The following LRRC4C variants were observed in gnomAD, a reference collection of about 807,000 sequenced individuals.
LRRC4C encodes the protein leucine-rich repeat-containing protein 4C.
In LRRC4C, 5 loss-of-function variants were observed where a neutral mutation model predicts 33.6. That is an observed-to-expected ratio of 0.15 (90% confidence interval 0.08 to 0.31). LRRC4C has a LOEUF of 0.31. LRRC4C is among the 10% of genes least tolerant of loss of function. The probability of loss-of-function intolerance (pLI) is 1.00; values close to 1 mark genes in which losing one functional copy is unlikely to be tolerated. For synonymous variants in LRRC4C, 329 were observed against 302.0 expected (o/e 1.09, Z -0.93); for missense variants, 560 against 796.7 (o/e 0.70, Z 3.58).
intron 1 of LRRC4C, among the ~76,000 whole-genome samples, chr11:41,442,932 T>G (rs1462623184): frequency 1.3e-5 from 2 of 152,174 alleles, no homozygotes; most frequent in Non-Finnish European, 2.9e-5. Flanking sequence ...GAAAATGCTT[T>G]TGAGGCATGT....
intron 1 of LRRC4C, among the ~76,000 whole-genome samples, chr11:41,266,436 T>C (rs1423559016): frequency 6.6e-6 from 1 of 152,138 alleles, no homozygotes; most frequent in African/African-American, 2.4e-5. Flanking sequence ...TTTATAAACC[T>C]GACTTTCTCC....
At chr11:41,117,435 C>T (rs557014963) in intron 1 of LRRC4C, among the ~76,000 whole-genome samples, 12 of 152,132 alleles carry the variant, frequency 7.9e-5, no homozygotes, top group Non-Finnish European at 1.2e-4. Context: ...TATAATATTA[C>T]GTGAAAATAG....
At chr11:40,740,169 T>C (rs1948090181) in intron 2 of LRRC4C, among the ~76,000 whole-genome samples, 1 of 152,020 alleles carries the variant, frequency 6.6e-6, no homozygotes, top group Admixed American at 6.6e-5. Context: ...TTCCTTTGGA[T>C]ATATACCCAG....
intron 3 of LRRC4C, among the ~76,000 whole-genome samples, chr11:40,404,598 C>T (rs760708206): frequency 6.6e-6 from 1 of 151,902 alleles, no homozygotes; most frequent in Admixed American, 6.6e-5. Context: ...TATGTTATGC[C>T]CACTTTTTCT....
chr11:41,047,580 T>G (rs2138071794), intron 1 of LRRC4C, among the ~76,000 whole-genome samples: 1 of 152,154 alleles, frequency 6.6e-6, no homozygotes, highest in African/African-American at 2.4e-5. Flanking sequence ...GAGAAATAAT[T>G]TAATAAAATA....
intron 2 of LRRC4C, among the ~76,000 whole-genome samples, chr11:40,693,718 T>A (rs918708591): frequency 2.6e-5 from 4 of 152,032 alleles, no homozygotes; most frequent in African/African-American, 9.7e-5. Context: ...AAGAGCCAAC[T>A]ATTGAATCAC....
At chr11:40,401,063 T>C (rs1355710928) in intron 3 of LRRC4C, among the ~76,000 whole-genome samples, 1 of 152,148 alleles carries the variant, frequency 6.6e-6, no homozygotes, top group Non-Finnish European at 1.5e-5. Flanking sequence ...TTGCAAGGCA[T>C]GAATTAATAA....
At chr11:40,581,889 C>A (rs149992127) in intron 3 of LRRC4C, among the ~76,000 whole-genome samples, 1,687 of 151,876 alleles carry the variant, frequency 0.011, 29 homozygotes, top group African/African-American at 0.039. Flanking sequence ...GGTGACAGAG[C>A]GAGACTCTGT....
chr11:41,333,086 A>G (rs938330296), intron 1 of LRRC4C, among the ~76,000 whole-genome samples: 1 of 152,240 alleles, frequency 6.6e-6, no homozygotes. Context: ...TGAAAGAAGA[A>G]AACTATTACT....
chr11:40,350,100 A>C (rs2137074814), intron 3 of LRRC4C, among the ~76,000 whole-genome samples: 1 of 152,104 alleles, frequency 6.6e-6, no homozygotes, highest in African/African-American at 2.4e-5. Flanking sequence ...ACTATATTTA[A>C]TTTCATTTGT....
intron 5 of LRRC4C, among the ~76,000 whole-genome samples, chr11:40,224,340 T>G (rs180719865): frequency 8.5e-5 from 13 of 152,350 alleles, no homozygotes; most frequent in Admixed American, 7.8e-4. Context: ...ACTTGGGCTT[T>G]ATTTAATAAC....
intron 1 of LRRC4C, among the ~76,000 whole-genome samples, chr11:40,947,715 C>T (rs562867478): frequency 4.9e-4 from 74 of 152,088 alleles, no homozygotes; most frequent in Admixed American, 1.3e-3. Flanking sequence ...CAATCCCCAC[C>T]TCCCCTCACT....
At chr11:40,706,086 T>C (rs1946156469) in intron 2 of LRRC4C, among the ~76,000 whole-genome samples, 1 of 152,160 alleles carries the variant, frequency 6.6e-6, no homozygotes, top group South Asian at 2.1e-4. Context: ...TTTGTTCCAG[T>C]TCTTTGTAGA....
At chr11:40,633,371 T>TTCTC (rs1555125586) in intron 3 of LRRC4C, among the ~76,000 whole-genome samples, 4,815 of 96,290 alleles carry the variant, frequency 0.05, 294 homozygotes, top group South Asian at 0.078. Context: ...CTTTCTTTCT[T>TTCTC]TCTCTCTCTT....
chr11:41,362,942 C>G (rs557429088), intron 1 of LRRC4C, among the ~76,000 whole-genome samples: 1 of 152,270 alleles, frequency 6.6e-6, no homozygotes, highest in East Asian at 1.9e-4. Flanking sequence ...AAAATCACAT[C>G]TGCAAATTCT....
intron 2 of LRRC4C, among the ~76,000 whole-genome samples, chr11:40,723,862 C>T (rs542735796): frequency 6.6e-6 from 1 of 152,220 alleles, no homozygotes; most frequent in African/African-American, 2.4e-5. Context: ...CTTCAACAGA[C>T]CCATCTCTCA....
intron 3 of LRRC4C, among the ~76,000 whole-genome samples, chr11:40,611,305 A>G (rs1248364065): frequency 6.6e-6 from 1 of 151,892 alleles, no homozygotes. Context: ...TGTTGGAAAT[A>G]CTGAATATCC....
chr11:40,953,025 T>C (rs1958787377), intron 1 of LRRC4C, among the ~76,000 whole-genome samples: 1 of 151,868 alleles, frequency 6.6e-6, no homozygotes, highest in South Asian at 2.1e-4. Context: ...GCTCTGCATG[T>C]AGCAGCACCA....
intron 3 of LRRC4C, among the ~76,000 whole-genome samples, chr11:40,410,002 G>GA (rs2137627940): frequency 6.6e-6 from 1 of 152,030 alleles, no homozygotes; most frequent in East Asian, 1.9e-4. Flanking sequence ...AAATCAATTA[G>GA]AAAAACAAAT....
Sources: gnomAD v4.1 joint callset for allele counts (sites outside exome capture counted in the v4.1 genomes callset) on GRCh38, gnomAD v4.1.1 for gene constraint, MANE v1.5 for transcripts, NCBI Gene and HGNC (gene_info 2026-07-23, HGNC 2026-07-21) for gene names.